Variants in DYNC2H1 observed in about 807,000 individuals in gnomAD.
DYNC2H1 encodes cytoplasmic dynein 2 heavy chain 1.
DYNC2H1 carries 410 observed loss-of-function variants against 570.0 expected under a neutral mutation model. That is an observed-to-expected ratio of 0.72 (90% CI 0.66 to 0.78). DYNC2H1 has a LOEUF of 0.78. Among genes scored for constraint, DYNC2H1 ranks in the 30% least tolerant of loss-of-function variants. DYNC2H1 has a pLI of 0.00. For missense variants in DYNC2H1, 4,865 were observed against 5,046.4 expected (o/e 0.96, Z 1.09); for synonymous variants, 1,688 against 1,677.6 (o/e 1.01, Z -0.15).
chr11:103,304,595 G>T lies in DYNC2H1; in HGVS notation c.11257G>T (p.Val3753Phe), dbSNP rs1482631869. The T allele has an allele frequency of 5.0e-6, 8 of 1,607,726 alleles. No individual in the cohort carries two copies. The highest frequency in any genetic ancestry group is 5.9e-6 in the Non-Finnish European group (7 of 1,176,562). Residue 3753 changes from valine (V) to phenylalanine (F), a missense_variant and splice_region_variant, in exon 77 of 89, where the codon GTT (valine) becomes TTT (phenylalanine). Val to Phe is a conservative substitution (Grantham distance 50). Transcript: ENST00000375735. ...TTTGTTTGTTTTTTTGCTTTTGTAG[G>T]TTGCCATGGGTCAAGGTCAAGCTGA... Reference protein sequence around the residue: ...AERSGECYHQVAMGQGQADLA... With the variant: ...AERSGECYHQFAMGQGQADLA...
chr11:103,238,675 C>T (rs934949634), intron 63 of DYNC2H1, among the ~76,000 whole-genome samples: 12 of 152,112 alleles, frequency 7.9e-5, no homozygotes, highest in Admixed American at 7.9e-4. Flanking sequence ...GCTTTTGTGT[C>T]TAAAACTATT....
rs981053933 is a variant in DYNC2H1 at position 103,479,414 on chromosome 11, T to G, written c.*161T>G. On this transcript the variant is annotated 3_prime_UTR_variant, in exon 89 of 89. Transcript: ENST00000375735. Reference sequence around the variant, plus strand: ...AAATTTTAATGTGTAAAAGCAGCACTGTGCATCTTTTAAAGTAATAAATTA... The same window carrying G: ...AAATTTTAATGTGTAAAAGCAGCACGGTGCATCTTTTAAAGTAATAAATTA... 1.7e-5 allele frequency: 11 copies of G among 650,390 alleles called. No homozygotes were observed. Among genetic ancestry groups the G allele is most frequent in the Non-Finnish European group, 2.3e-5 (10 of 435,682 alleles). 40.3% of individuals were successfully genotyped at this position (650,390 alleles called of 1,614,324 possible).
intron 84 of DYNC2H1, chr11:103,407,080 C>T (rs546592854): frequency 6.6e-6 from 1 of 151,468 alleles, no homozygotes; most frequent in Admixed American, 6.6e-5. Context: ...GGCTGCTTCT[C>T]CAGGGCCGGG....
rs1864737140 is a variant in DYNC2H1, at chr11:103,249,170, A to G, written c.10042+3796A>G. On this transcript the variant is annotated intron_variant, in intron 65 of 88. Coordinates refer to ENST00000375735, the MANE Select transcript of DYNC2H1 (RefSeq NM_001377.3). This position sits in a 1 kb window ranked among gnomAD's most constrained non-coding sequence, Gnocchi z 4.6. ...ACATTTGATATTTTCTATGAATAAGAGATGAGACAACACTGAAGAGTCTTT... is the reference window on the plus strand; with the variant it reads ...ACATTTGATATTTTCTATGAATAAGGGATGAGACAACACTGAAGAGTCTTT... Among the ~76,000 whole-genome samples the G allele has an allele frequency of 6.6e-6, 1 of 151,978 alleles. No homozygotes were observed. The highest frequency in any genetic ancestry group is 6.6e-5 in the Admixed American group (1 of 15,214).
At position 103,192,142 on chromosome 11, in the gene DYNC2H1, A is replaced by G; in HGVS notation, c.7586A>G (p.Tyr2529Cys). 6.4e-7 allele frequency: 1 copy of G among 1,558,802 alleles called. No individual in the cohort carries two copies. The highest frequency in any genetic ancestry group is 8.7e-7 in the Non-Finnish European group (1 of 1,148,482). Residue 2529 changes from tyrosine (Y) to cysteine (C), a missense_variant, in exon 47 of 89, where the codon TAT becomes TGT. Tyr to Cys is a radical substitution (Grantham distance 194). Around this residue, in one of 5 missense-constraint regions of DYNC2H1, gnomAD observed 2,401 missense variants for 2,454.6 expected, o/e 0.98. Transcript: ENST00000375735. ...GATTATGTGTTAGAAATTGTAGCAT[A>G]TGAGGCACGGCGCTTATTTCGTGAC... ...PLDYVLEIVA[Y>C]EARRLFRDKI... is the part of the protein sequence containing the mutation.
intron 3 of DYNC2H1, 54 bp from the exon 4 acceptor site, chr11:103,115,123 A>T: frequency 7.6e-7 from 1 of 1,313,786 alleles, no homozygotes; most frequent in Non-Finnish European, 1.1e-6. Context: ...TTTTGTATTC[A>T]TTTTTTTTTC....
chr11:103,444,111 T>C (rs1297438174), intron 85 of DYNC2H1, among the ~76,000 whole-genome samples: 1 of 151,312 alleles, frequency 6.6e-6, no homozygotes, highest in Non-Finnish European at 1.5e-5. Context: ...TTATTAATAT[T>C]TCTTGACTAA....
Position 103,239,835 on chromosome 11 carries a change from A to C in DYNC2H1, c.9819+3296A>C, listed in dbSNP as rs573746362. 1.3e-5 allele frequency among the ~76,000 whole-genome samples: 2 copies of C among 152,184 alleles called. No individual in the cohort carries two copies. Among genetic ancestry groups the C allele is most frequent in the African/African-American group, 2.4e-5 (1 of 41,446 alleles). ...GGGTGTACTAGGTGTTTTAAAAATT[A>C]TCTCTTTCAAAAATATCCTTTGACC... On this transcript the variant is annotated intron_variant, in intron 63 of 88. Transcript: ENST00000375735. The surrounding 1 kb of genome is among the most constrained non-coding windows in gnomAD (Gnocchi z 4.3).
At chr11:103,407,737 G>A (rs1431147498) in intron 84 of DYNC2H1, 1 of 151,912 alleles carries the variant, frequency 6.6e-6, no homozygotes, top group African/African-American at 2.4e-5. Context: ...AAATGAACCT[G>A]CAGCATATTT....
chr11:103,475,540 T>A (rs1945523880), intron 88 of DYNC2H1, among the ~76,000 whole-genome samples: 1 of 152,198 alleles, frequency 6.6e-6, no homozygotes, highest in South Asian at 2.1e-4. Context: ...TGTGAGCATT[T>A]ATTTATTGGA....
At chr11:103,194,956 G>C (rs1033846977) in intron 47 of DYNC2H1, among the ~76,000 whole-genome samples, 2 of 152,108 alleles carry the variant, frequency 1.3e-5, no homozygotes, top group Admixed American at 6.6e-5. Flanking sequence ...GACCTGAAAT[G>C]ATCCACCTGC....
intron 20 of DYNC2H1, 62 bp from the exon 21 acceptor site, chr11:103,152,074 A>G: frequency 7.1e-7 from 1 of 1,399,708 alleles, no homozygotes; most frequent in South Asian, 1.4e-5. Flanking sequence ...AATAAATGAA[A>G]TCTTAAGAGA....
rs372378961 is a variant in DYNC2H1, at chr11:103,303,293, G to T, written c.11256+40G>T. ...TCCCGCTGTTTTTGTTTTTGCTATT[G>T]CTGTTCCCACACTTGATGATATTGG... On this transcript the variant is annotated intron_variant, in intron 76 of 88. Transcript: ENST00000375735. 1.5e-5 allele frequency: 24 copies of T among 1,586,150 alleles called. No individual in the cohort carries two copies. The East Asian group carries it at 5.4e-4, about 36-fold the overall frequency.
Position 103,245,338 on chromosome 11 carries a change from C to A in DYNC2H1, c.10006C>A (p.Leu3336Ile). ...IQEMDGVEPV[L>I]YPLLRRDLVA... ...AGAGATGGATGGTGTAGAACCTGTT[C>A]TTTATCCATTATTGAGACGAGATCT... Residue 3336 changes from leucine to isoleucine, a missense_variant, in exon 65 of 89, where the codon CTT becomes ATT. By Grantham distance (5) the Leu-to-Ile change is conservative. Around this residue, in one of 5 missense-constraint regions of DYNC2H1, gnomAD observed 2,401 missense variants for 2,454.6 expected, o/e 0.98. Transcript: ENST00000375735. The surrounding 1 kb of genome is among the most constrained non-coding windows in gnomAD (Gnocchi z 4.5). The A allele has an allele frequency of 2.5e-6, 4 of 1,583,038 alleles. No individual in the cohort carries two copies. The highest frequency in any genetic ancestry group is 3.4e-6 in the Non-Finnish European group (4 of 1,163,632).
intron 45 of DYNC2H1, 51 bp from the exon 46 acceptor site, chr11:103,191,463 CATG>C: frequency 1.5e-6 from 2 of 1,375,108 alleles, no homozygotes; most frequent in Admixed American, 4.0e-5. Flanking sequence ...AAATTTATAA[CATG>C]ATTATTATTT....
chr11:103,283,026 C>T lies in DYNC2H1; in HGVS notation c.10831C>T (p.Arg3611Cys), dbSNP rs200818301. 1.0e-5 allele frequency: 16 copies of T among 1,599,342 alleles called. No individual in the cohort carries two copies. In the East Asian group the frequency reaches 1.1e-4, roughly 11 times the overall value. Residue 3611 changes from arginine to cysteine, a missense_variant, in exon 73 of 89, where the codon CGT becomes TGT. Physicochemically the swap from Arg to Cys is radical, Grantham distance 180. Around this residue, in one of 5 missense-constraint regions of DYNC2H1, gnomAD observed 2,401 missense variants for 2,454.6 expected, o/e 0.98. Coordinates refer to ENST00000375735, the MANE Select transcript of DYNC2H1 (RefSeq NM_001377.3). ...LRKADSQQKI[R>C]DQLPSWIDQE... is the part of the protein sequence containing the mutation. ...ATTAAAGGACTCTCAACAAAAAATA[C>T]GTGATCAGCTTCCGTCTTGGATAGA...
Position 103,163,783 on chromosome 11 carries a change from G to A in DYNC2H1, c.4611+636G>A, listed in dbSNP as rs1218211508. ...GGTCATCAGGAACTTTAGTTCTTAG[G>A]GACTGTGGATGGTAGACATTGGGAT... is the stretch of plus-strand genomic sequence containing the variant. On this transcript the variant is annotated intron_variant, in intron 30 of 88. Transcript: ENST00000375735. The surrounding 1 kb of genome is among the most constrained non-coding windows in gnomAD (Gnocchi z 4.6). Among the ~76,000 whole-genome samples, 2 of 152,112 alleles carry A rather than the reference G, an allele frequency of 1.3e-5. No individual in the cohort carries two copies. The highest frequency in any genetic ancestry group is 2.1e-4 in the South Asian group (1 of 4,816).
chr11:103,409,016 A>G (rs896634646), intron 84 of DYNC2H1, among the ~76,000 whole-genome samples: 14 of 152,062 alleles, frequency 9.2e-5, no homozygotes, highest in African/African-American at 3.4e-4. Flanking sequence ...GGCCATTTAT[A>G]CAAGTCCCTA....
intron 65 of DYNC2H1, among the ~76,000 whole-genome samples, chr11:103,250,850 A>G (rs1007196883): frequency 6.6e-6 from 1 of 151,898 alleles, no homozygotes; most frequent in Non-Finnish European, 1.5e-5. Flanking sequence ...TTCTAGTTAC[A>G]TATTTGTTAT....
Sources: allele counts gnomAD v4.1 joint callset (sites outside exome capture counted in the v4.1 genomes callset), GRCh38; gene constraint gnomAD v4.1.1; regional missense constraint gnomAD v4.1.1; non-coding constraint Gnocchi (gnomAD v3.1); transcripts MANE v1.5; gene names NCBI Gene and HGNC (gene_info 2026-07-23, HGNC 2026-07-21).